DTNA: variants seen among roughly 807,000 people sequenced by gnomAD.
The protein encoded by DTNA is dystrophin-related protein 3.
A neutral mutation model predicts 100.7 loss-of-function variants in DTNA; 43 were observed. That is an observed-to-expected ratio of 0.43 (90% confidence interval 0.33 to 0.55). The LOEUF (loss-of-function observed/expected upper bound fraction) is 0.55, where lower values mean the gene tolerates loss of function less well. Among genes scored for constraint, DTNA ranks in the 20% least tolerant of loss-of-function variants. The pLI is 0.04. For synonymous variants in DTNA, 349 were observed against 347.9 expected (o/e 1.00, Z -0.04); for missense variants, 798 against 953.9 (o/e 0.84, Z 2.15).
intron 1 of DTNA, among the ~76,000 whole-genome samples, chr18:34,521,842 C>A (rs1199411695): frequency 1.3e-5 from 2 of 152,164 alleles, no homozygotes; most frequent in Non-Finnish European, 2.9e-5. Context: ...TCCTCATAGC[C>A]TTCTTTACTA....
intron 1 of DTNA, among the ~76,000 whole-genome samples, chr18:34,525,089 T>TTACAG (rs1463042851): frequency 1.8e-4 from 27 of 152,112 alleles, no homozygotes; most frequent in Admixed American, 7.2e-4. Flanking sequence ...TGTATGTTCT[T>TTACAG]TACAGTACAT....
At chr18:34,864,544 C>T (rs940213723) in intron 17 of DTNA, among the ~76,000 whole-genome samples, 3 of 152,344 alleles carry the variant, frequency 2.0e-5, no homozygotes, top group South Asian at 2.1e-4. Context: ...TGAGCCACCG[C>T]GCCCGGCCTA....
At chr18:34,701,611 A>G (rs183075354) in intron 1 of DTNA, among the ~76,000 whole-genome samples, 3 of 152,258 alleles carry the variant, frequency 2.0e-5, no homozygotes, top group Admixed American at 6.5e-5. Flanking sequence ...GACACAGCCT[A>G]TGTGACATCT....
intron 1 of DTNA, among the ~76,000 whole-genome samples, chr18:34,532,907 T>A (rs1344873853): frequency 6.6e-6 from 1 of 151,878 alleles, no homozygotes; most frequent in Non-Finnish European, 1.5e-5. Context: ...AATGGTTGGA[T>A]ACAGGGAAAG....
At chr18:34,875,460 A>G (rs1014555381) in intron 18 of DTNA, 62 bp downstream of exon 18, 6 of 1,611,370 alleles carry the variant, frequency 3.7e-6, no homozygotes, top group African/African-American at 1.3e-5. Context: ...ACCAAGGTCT[A>G]TTGAGTGGTC....
chr18:34,653,766 G>A (rs2073961193), intron 1 of DTNA, among the ~76,000 whole-genome samples: 1 of 152,132 alleles, frequency 6.6e-6, no homozygotes, highest in African/African-American at 2.4e-5. Context: ...AGGTTGCAGT[G>A]AGCCAAGACT....
At chr18:34,598,128 T>C (rs1257327852) in intron 1 of DTNA, among the ~76,000 whole-genome samples, 1 of 152,210 alleles carries the variant, frequency 6.6e-6, no homozygotes, top group African/African-American at 2.4e-5. Flanking sequence ...TCATTAGTAA[T>C]CCTGTATGTC....
intron 11 of DTNA, 65 bp from the exon 12 acceptor site, chr18:34,838,029 A>G (rs1166096961): frequency 3.5e-6 from 5 of 1,437,702 alleles, no homozygotes; most frequent in East Asian, 2.3e-5. Flanking sequence ...GTCTGTTGCC[A>G]GTTTCTATTC....
At chr18:34,754,747 C>T (rs2092653299) in intron 1 of DTNA, among the ~76,000 whole-genome samples, 1 of 152,182 alleles carries the variant, frequency 6.6e-6, no homozygotes, top group South Asian at 2.1e-4. Flanking sequence ...CATCACCTCA[C>T]CAACTTATTT....
chr18:34,739,891 A>C (rs917719749), intron 1 of DTNA, among the ~76,000 whole-genome samples: 1 of 151,946 alleles, frequency 6.6e-6, no homozygotes, highest in African/African-American at 2.4e-5. Flanking sequence ...TCTTGGTGTG[A>C]CTCCATTATT....
chr18:34,581,671 C>T (rs923279111), intron 1 of DTNA, among the ~76,000 whole-genome samples: 18 of 142,282 alleles, frequency 1.3e-4, no homozygotes, highest in Admixed American at 8.6e-4. Flanking sequence ...ACCAGGCTGG[C>T]GTGCAGTGGC....
chr18:34,728,097 G>C (rs1243710211), intron 1 of DTNA, among the ~76,000 whole-genome samples: 2 of 152,118 alleles, frequency 1.3e-5, no homozygotes, highest in African/African-American at 4.8e-5. Context: ...GCAATGTTGT[G>C]ATATTAAGTT....
At chr18:34,655,903 A>G (rs1424457010) in intron 1 of DTNA, among the ~76,000 whole-genome samples, 1 of 152,208 alleles carries the variant, frequency 6.6e-6, no homozygotes, top group Non-Finnish European at 1.5e-5. Flanking sequence ...TTAAGTCTTC[A>G]TTTTACCTAT....
At chr18:34,502,210 G>C (rs927952452) in intron 1 of DTNA, among the ~76,000 whole-genome samples, 2 of 152,102 alleles carry the variant, frequency 1.3e-5, no homozygotes, top group African/African-American at 4.8e-5. Context: ...ATGGTCTTTA[G>C]TGCTATCCCA....
intron 1 of DTNA, among the ~76,000 whole-genome samples, chr18:34,692,131 T>C (rs990556232): frequency 1.3e-5 from 2 of 152,228 alleles, no homozygotes; most frequent in African/African-American, 4.8e-5. Context: ...AGTTCAGAAG[T>C]AGTCTTCCTT....
At chr18:34,670,251 G>C (rs542051726) in intron 1 of DTNA, among the ~76,000 whole-genome samples, 1 of 152,108 alleles carries the variant, frequency 6.6e-6, no homozygotes, top group Non-Finnish European at 1.5e-5. Context: ...CGTAGTTCTC[G>C]TGCCATGGTT....
At position 34,726,479 on chromosome 18, in the gene DTNA, T is replaced by C. The variant is rs8090671; in HGVS notation, c.-2+16034T>C. Among the ~76,000 whole-genome samples the C allele has an allele frequency of 7.7e-3, 1,178 of 152,224 alleles. 7 individuals are homozygous for C. Among genetic ancestry groups the C allele is most frequent in the African/African-American group, 0.027 (1,104 of 41,522 alleles). On this transcript the variant is annotated intron_variant, in intron 1 of 22. Transcript: ENST00000444659. ...AGCCTGTAAGATAAAAATCAAGTTA[T>C]TTGCTTCCAACGACAGTAATACTAC...
At chr18:34,572,167 C>T (rs896165135) in intron 1 of DTNA, among the ~76,000 whole-genome samples, 1 of 152,108 alleles carries the variant, frequency 6.6e-6, no homozygotes, top group Non-Finnish European at 1.5e-5. Context: ...CTGGGATAAA[C>T]AGATTTAGAT....
At chr18:34,603,645 C>A (rs2147261763) in intron 1 of DTNA, among the ~76,000 whole-genome samples, 1 of 152,222 alleles carries the variant, frequency 6.6e-6, no homozygotes, top group African/African-American at 2.4e-5. Context: ...CTTTGATACA[C>A]CACAGGTAAG....
Sources: allele counts gnomAD v4.1 joint callset (sites outside exome capture counted in the v4.1 genomes callset), GRCh38; gene constraint gnomAD v4.1.1; transcripts MANE v1.5; gene names NCBI Gene and HGNC (gene_info 2026-07-23, HGNC 2026-07-21).